The following CADPS2 variants were observed in gnomAD, a reference collection of about 807,000 sequenced individuals.
CADPS2 encodes the protein calcium-dependent secretion activator 2.
Under a neutral mutation model 172.5 loss-of-function variants are expected in CADPS2, and 93 were observed. The ratio of observed to expected loss-of-function variants is 0.54; its 90% CI spans 0.46 to 0.64. The LOEUF (loss-of-function observed/expected upper bound fraction) is 0.64. Among genes scored for constraint, CADPS2 ranks in the 30% least tolerant of loss-of-function variants. The pLI, the probability that CADPS2 is intolerant of heterozygous loss-of-function variation, is 0.00. For missense variants in CADPS2, 1,420 were observed against 1,565.9 expected, an observed-to-expected ratio of 0.91 and a Z score of 1.57; for synonymous variants, 546 against 555.2, an observed-to-expected ratio of 0.98 and a Z score of 0.23.
At chr7:122,645,685 T>C (rs1399972123) in intron 3 of CADPS2, among the ~76,000 whole-genome samples, 1 of 48,268 alleles carries the variant, frequency 2.1e-5, no homozygotes, top group Non-Finnish European at 4.3e-5. Flanking sequence ...ATATATATCT[T>C]GGGATTTTGC....
intron 17 of CADPS2, among the ~76,000 whole-genome samples, chr7:122,427,000 T>G (rs966032511): frequency 6.6e-6 from 1 of 152,166 alleles, no homozygotes; most frequent in African/African-American, 2.4e-5. Context: ...TAATGAGATT[T>G]CCATGCATCT....
intron 1 of CADPS2, among the ~76,000 whole-genome samples, chr7:122,743,729 G>C (rs1015722233): frequency 6.6e-6 from 1 of 152,134 alleles, no homozygotes; most frequent in African/African-American, 2.4e-5. Flanking sequence ...GTCAATTAAA[G>C]AAAGATATTA....
intron 1 of CADPS2, among the ~76,000 whole-genome samples, chr7:122,764,463 A>C (rs2093484967): frequency 6.6e-6 from 1 of 152,132 alleles, no homozygotes; most frequent in African/African-American, 2.4e-5. Flanking sequence ...TAGGCATTGA[A>C]AATATAATCC....
At chr7:122,485,113 T>C (rs1037123801) in intron 11 of CADPS2, among the ~76,000 whole-genome samples, 1 of 152,174 alleles carries the variant, frequency 6.6e-6, no homozygotes, top group African/African-American at 2.4e-5. Flanking sequence ...TCCCTTTTCT[T>C]GGGCCTCCCT....
chr7:122,347,179 G>T (rs893743298), intron 27 of CADPS2, among the ~76,000 whole-genome samples: 8 of 152,022 alleles, frequency 5.3e-5, no homozygotes, highest in African/African-American at 1.9e-4. Flanking sequence ...AGAGGATATG[G>T]GTCATTTAAC....
chr7:122,631,494 G>C (rs2076571189), intron 3 of CADPS2, among the ~76,000 whole-genome samples: 1 of 152,010 alleles, frequency 6.6e-6, no homozygotes, highest in Admixed American at 6.6e-5. Context: ...GCCCAGGCTT[G>C]TCTTGAACTC....
chr7:122,451,808 C>A (rs1412000980), intron 14 of CADPS2, among the ~76,000 whole-genome samples: 1 of 152,088 alleles, frequency 6.6e-6, no homozygotes, highest in Non-Finnish European at 1.5e-5. Context: ...TAAGTGAAAT[C>A]CCCTGAATGA....
intron 24 of CADPS2, chr7:122,386,395 T>G: frequency 4.8e-6 from 4 of 829,946 alleles, no homozygotes; most frequent in African/African-American, 1.8e-5. Context: ...GTAATTACAA[T>G]GGGAAAAAAA....
At chr7:122,571,979 C>T (rs182457747) in intron 7 of CADPS2, among the ~76,000 whole-genome samples, 11 of 152,144 alleles carry the variant, frequency 7.2e-5, no homozygotes, top group Admixed American at 2.0e-4. Context: ...TTAGGCCTTT[C>T]CTTAACTCTC....
At chr7:122,705,713 T>A (rs190535109) in intron 2 of CADPS2, among the ~76,000 whole-genome samples, 13,154 of 18,062 alleles carry the variant, frequency 0.73, 4,804 homozygotes, top group Middle Eastern at 1. Context: ...ATATCATATA[T>A]TATATAATAT....
intron 25 of CADPS2, among the ~76,000 whole-genome samples, chr7:122,371,702 C>A (rs1781488210): frequency 6.6e-6 from 1 of 151,020 alleles, no homozygotes; most frequent in Admixed American, 6.6e-5. Flanking sequence ...TATAGTACTG[C>A]CAGTGAGAAT....
chr7:122,513,265 TA>T lies in CADPS2; in HGVS notation c.1525del (p.Tyr509ThrfsTer4). The T allele has an allele frequency of 6.4e-7, 1 of 1,561,314 alleles. No individual in the cohort carries two copies. Among genetic ancestry groups the T allele is most frequent in the Non-Finnish European group, 8.7e-7 (1 of 1,151,316 alleles). ...ATGACTAACCTGAACTAGAACAAAG[TA>T]ACGTTTTTTCCATCTTTTCCAAACC... Reference protein sequence around the residue: ...QKVWKRWKKRYFVLVQVSQYT... With the variant: ...QKVWKRWKKRXFVLVQVSQYT... On this transcript the variant is annotated frameshift_variant, in exon 9 of 30. Coordinates refer to ENST00000449022, the MANE Select transcript of CADPS2 (RefSeq NM_017954.11). LOFTEE classifies it high-confidence loss of function.
intron 3 of CADPS2, among the ~76,000 whole-genome samples, chr7:122,631,933 T>A (rs1483497351): frequency 6.6e-6 from 1 of 152,130 alleles, no homozygotes; most frequent in African/African-American, 2.4e-5. Flanking sequence ...TAAGTGAGAA[T>A]GTGTGATATT....
chr7:122,845,534 A>G (rs1811764383), intron 1 of CADPS2, among the ~76,000 whole-genome samples: 1 of 152,168 alleles, frequency 6.6e-6, no homozygotes. Context: ...AAAATGCCAT[A>G]TGGCATCAGT....
At chr7:122,779,776 ATTTTGT>A (rs1792190718) in intron 1 of CADPS2, among the ~76,000 whole-genome samples, 1 of 152,196 alleles carries the variant, frequency 6.6e-6, no homozygotes, top group South Asian at 2.1e-4. Flanking sequence ...AAGGGACTTC[ATTTTGT>A]TGTCCTATGC....
chr7:122,639,206 G>A lies in CADPS2; in HGVS notation c.787-9878C>T, dbSNP rs528350213. On this transcript the variant is annotated intron_variant, in intron 3 of 29. Transcript: ENST00000449022. ...GAAGGGGATAAATTAGTTGGTTAAC[G>A]TTCTTTTTTACATGTAAGAATCTTA... is the stretch of plus-strand genomic sequence containing the variant. Among the ~76,000 whole-genome samples, 62 of 152,182 alleles carry A rather than the reference G, an allele frequency of 4.1e-4. 1 individual carries two copies. Among genetic ancestry groups the A allele is most frequent in the Middle Eastern group, 6.8e-3 (2 of 294 alleles).
chr7:122,753,343 T>C (rs1005814797), intron 1 of CADPS2, among the ~76,000 whole-genome samples: 1 of 152,190 alleles, frequency 6.6e-6, no homozygotes, highest in African/African-American at 2.4e-5. Context: ...GTTTTCTAAA[T>C]ACATGCAAAG....
At chr7:122,617,237 T>C (rs1006664624) in intron 5 of CADPS2, among the ~76,000 whole-genome samples, 15 of 152,300 alleles carry the variant, frequency 9.8e-5, no homozygotes, top group African/African-American at 3.1e-4. Context: ...CGTTTTACCC[T>C]GCAGAATCGT....
At chr7:122,780,818 C>T (rs769931650) in intron 1 of CADPS2, among the ~76,000 whole-genome samples, 6 of 152,116 alleles carry the variant, frequency 3.9e-5, no homozygotes, top group Non-Finnish European at 7.4e-5. Flanking sequence ...TGGTATGTGG[C>T]TGCACCACGA....
Sources: gnomAD v4.1 joint callset for allele counts (sites outside exome capture counted in the v4.1 genomes callset) on GRCh38, gnomAD v4.1.1 for gene constraint, MANE v1.5 for transcripts, NCBI Gene and HGNC (gene_info 2026-07-23, HGNC 2026-07-21) for gene names.